TEX26: variants seen among roughly 807,000 people sequenced by gnomAD.
TEX26 encodes the protein testis expressed 26.
TEX26 carries 34 observed loss-of-function variants against 35.3 expected under a neutral mutation model. That is an observed-to-expected ratio of 0.96 (90% confidence interval 0.73 to 1.28). The LOEUF is 1.28. TEX26 is among the 50% of genes most tolerant of loss of function. TEX26 has a pLI of 0.00. For synonymous variants in TEX26, 136 were observed against 111.8 expected, an observed-to-expected ratio of 1.22 and a Z score of -1.36; for missense variants, 371 against 330.1, an observed-to-expected ratio of 1.12 and a Z score of -0.96.
At position 30,975,438 on chromosome 13, in the gene TEX26, T is replaced by C. The variant is rs904547165; in HGVS notation, c.*531T>C. 6.6e-5 allele frequency: 10 copies of C among 152,210 alleles called. No homozygotes were observed. The highest frequency in any genetic ancestry group is 1.2e-4 in the Non-Finnish European group (8 of 68,016). The allele number at this position is 152,210 out of a possible 1,614,324, so 9.4% of individuals were successfully genotyped here. ...TTAATCCCTTATATCTTTAATTGTA[T>C]ACTTGAATTGTTCAATTCTGAAAGA... On this transcript the variant is annotated 3_prime_UTR_variant, in exon 7 of 7. Coordinates refer to ENST00000380473, the MANE Select transcript of TEX26 (RefSeq NM_152325.3).
At chr13:30,936,797 T>C in intron 1 of TEX26, 1 of 985,332 alleles carries the variant, frequency 1.0e-6, no homozygotes, top group Non-Finnish European at 1.2e-6. Flanking sequence ...GAAAGATGGA[T>C]ATGAGCTACA....
rs750300544 is a variant in TEX26 at position 30,939,737 on chromosome 13, T to G, written c.105T>G (p.Thr35=). 2 of 1,614,138 alleles carry G rather than the reference T, an allele frequency of 1.2e-6. No individual in the cohort carries two copies. The highest frequency in any genetic ancestry group is 1.7e-6 in the Non-Finnish European group (2 of 1,179,962). The part of the protein sequence containing the change: ...NWDSYATTMR[T]AFTPKTGAVP... ...ATTCCTATGCTACCACTATGAGGAC[T>G]GCATTCACGCCTAAAACAGGAGCAG... is the stretch of plus-strand genomic sequence containing the variant. Residue 35 remains threonine, a synonymous_variant, in exon 2 of 7, where the codon ACT becomes ACG. Transcript: ENST00000380473.
At chr13:30,968,787 G>A in intron 5 of TEX26, 98 bp from the exon 6 acceptor site, 1 of 1,146,934 alleles carries the variant, frequency 8.7e-7, no homozygotes, top group Non-Finnish European at 1.3e-6. Context: ...CTCAAAGCTG[G>A]GCTGGGGGCT....
intron 3 of TEX26, among the ~76,000 whole-genome samples, chr13:30,954,241 C>G (rs1238654317): frequency 4.8e-5 from 7 of 146,938 alleles, no homozygotes; most frequent in Admixed American, 4.1e-4. Flanking sequence ...GTAATGTATT[C>G]AACCCTGAAA....
intron 1 of TEX26, chr13:30,936,758 A>G (rs1953287828): frequency 1.0e-6 from 1 of 985,290 alleles, no homozygotes; most frequent in African/African-American, 1.7e-5. Flanking sequence ...AAAATGAGAG[A>G]AGAAAGAATT....
chr13:30,974,573 G>T (rs1384404903), intron 6 of TEX26, among the ~76,000 whole-genome samples: 1 of 152,154 alleles, frequency 6.6e-6, no homozygotes, highest in Admixed American at 6.6e-5. Flanking sequence ...TGCCAGCACA[G>T]AACTAAAACT....
intron 1 of TEX26, chr13:30,933,042 G>C: frequency 2.6e-6 from 1 of 381,648 alleles, no homozygotes; most frequent in Middle Eastern, 6.8e-4. Flanking sequence ...GCCTGGCTAA[G>C]AGGGGACAGG....
In TEX26 at chr13:30,967,186, G is replaced by T. The variant is rs118141394; in HGVS notation, c.646+788G>T. Reference sequence around the variant, plus strand: ...AAGCTACTAGTTAAACAGAAAACTTGGTGTCAGTCTGAGACATGGTTCATT... The same window carrying T: ...AAGCTACTAGTTAAACAGAAAACTTTGTGTCAGTCTGAGACATGGTTCATT... On this transcript the variant is annotated intron_variant, in intron 5 of 6. Transcript: ENST00000380473. Among the ~76,000 whole-genome samples the T allele has an allele frequency of 3.9e-5, 6 of 152,180 alleles. No homozygotes were observed. In the East Asian group the frequency reaches 9.6e-4, roughly 24 times the overall value.
At chr13:30,968,095 TTGAC>T (rs1348953824) in intron 5 of TEX26, among the ~76,000 whole-genome samples, 1 of 152,118 alleles carries the variant, frequency 6.6e-6, no homozygotes, top group Non-Finnish European at 1.5e-5. Context: ...TGCTGAAAAA[TTGAC>T]TGACAAAAAG....
At chr13:30,957,945 T>C (rs958508593) in intron 4 of TEX26, among the ~76,000 whole-genome samples, 21 of 152,160 alleles carry the variant, frequency 1.4e-4, no homozygotes, top group African/African-American at 5.1e-4. Context: ...CTTCTGTAGG[T>C]AAGTAGGAAA....
At chr13:30,935,356 G>C (rs575815961) in intron 1 of TEX26, among the ~76,000 whole-genome samples, 2 of 152,372 alleles carry the variant, frequency 1.3e-5, no homozygotes, top group Non-Finnish European at 2.9e-5. Flanking sequence ...AGGAATCTGA[G>C]TGGGGACTCA....
chr13:30,969,087 A>T (rs1190052363), intron 6 of TEX26, 41 bp downstream of exon 6: 2 of 1,536,394 alleles, frequency 1.3e-6, no homozygotes, highest in Non-Finnish European at 1.8e-6. Context: ...AGATCACAAT[A>T]CATTGCTTTT....
At chr13:30,947,741 C>CT (rs1168417526) in intron 2 of TEX26, among the ~76,000 whole-genome samples, 5 of 151,936 alleles carry the variant, frequency 3.3e-5, no homozygotes, top group African/African-American at 1.2e-4. Context: ...ATAATACAAA[C>CT]TTTTTTTATT....
At chr13:30,962,245 T>G (rs1439513387) in intron 4 of TEX26, among the ~76,000 whole-genome samples, 1 of 152,202 alleles carries the variant, frequency 6.6e-6, no homozygotes, top group East Asian at 1.9e-4. Context: ...TGAATTTTCA[T>G]TGTCCTCAGG....
At chr13:30,970,689 T>C (rs1451973748) in intron 6 of TEX26, among the ~76,000 whole-genome samples, 2 of 152,204 alleles carry the variant, frequency 1.3e-5, no homozygotes, top group Non-Finnish European at 2.9e-5. Flanking sequence ...GATTCAGCTG[T>C]CATTTCTCTG....
intron 6 of TEX26, among the ~76,000 whole-genome samples, chr13:30,972,953 A>C (rs946575979): frequency 6.6e-6 from 1 of 152,236 alleles, no homozygotes. Context: ...GAGTACAATC[A>C]CTTTGGAAAC....
chr13:30,936,682 G>A, intron 1 of TEX26: 1 of 985,418 alleles, frequency 1.0e-6, no homozygotes, highest in Non-Finnish European at 1.2e-6. Flanking sequence ...TCAAGACTCT[G>A]TGTCCCAGTG....
chr13:30,954,345 A>T (rs1201370208), intron 3 of TEX26, among the ~76,000 whole-genome samples: 1 of 143,326 alleles, frequency 7.0e-6, no homozygotes, highest in African/African-American at 2.5e-5. Context: ...TATCTCTTGG[A>T]GATATACACA....
chr13:30,935,739 C>CTGACAG (rs1953250646), intron 1 of TEX26, among the ~76,000 whole-genome samples: 1 of 152,220 alleles, frequency 6.6e-6, no homozygotes, highest in South Asian at 2.1e-4. Context: ...GACCGGATGA[C>CTGACAG]CTGCCTACAG....
Sources: gnomAD v4.1 joint callset for allele counts (sites outside exome capture counted in the v4.1 genomes callset) on GRCh38, gnomAD v4.1.1 for gene constraint, MANE v1.5 for transcripts, NCBI Gene and HGNC (gene_info 2026-07-23, HGNC 2026-07-21) for gene names.